The following WBP2NL variants were observed in gnomAD, a reference collection of about 807,000 sequenced individuals.
WBP2NL encodes postacrosomal sheath WW domain-binding protein.
WBP2NL carries 27 observed loss-of-function variants against 23.3 expected under a neutral mutation model. The observed-to-expected ratio is 1.16, with a 90% CI of 0.85 to 1.60. WBP2NL has a LOEUF of 1.60. WBP2NL is among the 40% of genes most tolerant of loss of function. The pLI, the probability that WBP2NL is intolerant of heterozygous loss-of-function variation, is 0.00. For missense variants in WBP2NL, 370 were observed against 389.5 expected, an observed-to-expected ratio of 0.95 and a Z score of 0.42; for synonymous variants, 151 against 145.9, an observed-to-expected ratio of 1.03 and a Z score of -0.25.
chr22:42,038,302 ACCTTGTATCCTATGGAT>A, intron 8 of WBP2NL, among the ~76,000 whole-genome samples: 1 of 152,186 alleles, frequency 6.6e-6, no homozygotes, highest in Admixed American at 6.5e-5. Context: ...ATGTTAACTG[ACCTTGTATCCTATGGAT>A]AAATCCCACT....
chr22:42,026,843 G>A lies in WBP2NL; in HGVS notation c.592G>A (p.Ala198Thr). 1 of 1,612,558 alleles carries A rather than the reference G, an allele frequency of 6.2e-7. No individual in the cohort carries two copies. Among genetic ancestry groups the A allele is most frequent in the Non-Finnish European group, 8.5e-7 (1 of 1,179,596 alleles). ...CGGAGCCCCACCTGCAGGATATGGA[G>A]CCCAACCCGTAGGAAATGAAGGCCC... Reference protein sequence around the residue: ...GYGAPPAGYGAQPVGNEGPPV... With the variant: ...GYGAPPAGYGTQPVGNEGPPV... The change falls in exon 6 of 6, where the codon GCC becomes ACC. Residue 198 changes from alanine (A) to threonine (T), a missense_variant. Physicochemically the swap from Ala to Thr is moderately conservative, Grantham distance 58 (BLOSUM62 0). Transcript: ENST00000328823.
chr22:42,005,149 G>A (rs145710523), intron 1 of WBP2NL, among the ~76,000 whole-genome samples: 457 of 151,152 alleles, frequency 3.0e-3, no homozygotes, highest in African/African-American at 0.01. Context: ...CCCAGGAGGC[G>A]GAGGTTGCAA....
rs1296162229 is a variant in WBP2NL, at chr22:42,022,309, T to TA, written c.469dup (p.Ile157AsnfsTer48). On this transcript the variant is annotated frameshift_variant, in exon 5 of 6. Transcript: ENST00000328823. LOFTEE classifies it low-confidence loss of function (END_TRUNC). ...TGGTTCAGCTCTATGGGAATTTATG[T>TA]AATTACTGGGGAAGGGAATATGTGC... is the stretch of plus-strand genomic sequence containing the variant. 4 of 1,614,130 alleles carry TA rather than the reference T, an allele frequency of 2.5e-6. No individual in the cohort carries two copies. Among genetic ancestry groups the TA allele is most frequent in the Non-Finnish European group, 2.5e-6 (3 of 1,179,988 alleles).
At chr22:42,025,684 C>T (rs1314894898) in intron 5 of WBP2NL, among the ~76,000 whole-genome samples, 1 of 152,184 alleles carries the variant, frequency 6.6e-6, no homozygotes, top group Non-Finnish European at 1.5e-5. Context: ...CTAAGTCTGT[C>T]CTTGTGCCAG....
chr22:42,022,274 C>T lies in WBP2NL; in HGVS notation c.432C>T (p.Thr144=). Residue 144 remains threonine, a synonymous_variant, in exon 5 of 6, where the codon ACC becomes ACT. Coordinates refer to ENST00000328823, the MANE Select transcript of WBP2NL (RefSeq NM_152613.3). ...SAAARGFPLR[T]LNDWFSSMGI... ...CTGCCCGAGGATTTCCACTTAGAAC[C>T]TTAAATGACTGGTTCAGCTCTATGG... is the stretch of plus-strand genomic sequence containing the variant. The T allele has an allele frequency of 1.9e-6, 3 of 1,614,132 alleles. No homozygotes were observed. The highest frequency in any genetic ancestry group is 4.5e-5 in the East Asian group (2 of 44,880).
intron 1 of WBP2NL, 29 bp downstream of exon 1, chr22:41,998,909 CGGA>C: frequency 6.3e-7 from 1 of 1,599,244 alleles, no homozygotes; most frequent in Non-Finnish European, 8.5e-7. Flanking sequence ...GGCGTGCTGT[CGGA>C]GGAGAGGAGA....
At chr22:42,022,411 C>CA in intron 5 of WBP2NL, 55 bp downstream of exon 5, 2 of 1,473,340 alleles carry the variant, frequency 1.4e-6, no homozygotes, top group Non-Finnish European at 9.3e-7. Flanking sequence ...GCCAGAGGCT[C>CA]AAAGATCTAT....
chr22:42,057,133 A>G lies in WBP2NL; in HGVS notation c.*274-1157A>G, dbSNP rs1926067656. Among the ~76,000 whole-genome samples the G allele has an allele frequency of 2.6e-5, 4 of 152,254 alleles. 1 individual carries two copies. In the South Asian group the frequency reaches 8.3e-4, roughly 32 times the overall value. On this transcript the variant is annotated intron_variant and NMD_transcript_variant, in intron 8 of 8. Transcript: ENST00000436265. Reference sequence around the variant, plus strand: ...ATTTTCAACCATTCTTTCTTCCAATATTCTGCCCCTTTCTCTTTTTTTATG... The same window carrying G: ...ATTTTCAACCATTCTTTCTTCCAATGTTCTGCCCCTTTCTCTTTTTTTATG...
rs1213146371 is a variant in WBP2NL at position 42,027,114 on chromosome 22, C to T, written c.863C>T (p.Thr288Ile). 1.9e-6 allele frequency: 3 copies of T among 1,614,270 alleles called. No individual in the cohort carries two copies. Among genetic ancestry groups the T allele is most frequent in the Non-Finnish European group, 2.5e-6 (3 of 1,180,050 alleles). The change falls in exon 6 of 6, where the codon ACA becomes ATA. Residue 288 changes from threonine to isoleucine, a missense_variant. Physicochemically the swap from Thr to Ile is moderately conservative, Grantham distance 89. Transcript: ENST00000328823. The stretch of plus-strand genomic sequence containing the variant: ...TCAGGAGCCAGGCCTCAGGAATCTA[C>T]AGCAGCCCAGGCTCCTGAAAACGAG... ...AGSGARPQESTAAQAPENEAS... is the reference protein window; with the variant it reads ...AGSGARPQESIAAQAPENEAS...
At chr22:42,018,337 A>T (rs1258102439) in intron 1 of WBP2NL, among the ~76,000 whole-genome samples, 1 of 145,462 alleles carries the variant, frequency 6.9e-6, no homozygotes, top group Non-Finnish European at 1.5e-5. Context: ...AAAAGACAGA[A>T]GAAAGAGAGA....
chr22:42,026,166 G>A (rs142106636), intron 5 of WBP2NL, among the ~76,000 whole-genome samples: 3,029 of 151,778 alleles, frequency 0.02, 117 homozygotes, highest in African/African-American at 0.069. Flanking sequence ...CAGCTACTCG[G>A]GAGGCTGAGG....
chr22:41,998,811 G>T lies in WBP2NL; in HGVS notation c.-8G>T. ...CCATCTACGGGGCGGCAGGAGGCCC[G>T]AAGCAAGATGGCGGTGAATCAGAGC... On this transcript the variant is annotated 5_prime_UTR_variant, in exon 1 of 6. Coordinates refer to ENST00000328823, the MANE Select transcript of WBP2NL (RefSeq NM_152613.3). 1.9e-6 allele frequency: 3 copies of T among 1,608,434 alleles called. No homozygotes were observed. Among genetic ancestry groups the T allele is most frequent in the Non-Finnish European group, 2.5e-6 (3 of 1,176,668 alleles).
chr22:42,035,459 C>A (rs1031523292), downstream of WBP2NL, among the ~76,000 whole-genome samples: 2 of 152,258 alleles, frequency 1.3e-5, no homozygotes, highest in African/African-American at 4.8e-5. Context: ...CTCACCCCAA[C>A]TTGGAAGGGG....
intron 4 of WBP2NL, 68 bp from the exon 5 acceptor site, chr22:42,022,181 T>C (rs133341): frequency 0.77 from 937,804 of 1,210,920 alleles, 364,700 homozygotes; most frequent in East Asian, 0.9. Context: ...GTTAATTGTT[T>C]AGTTGATATC....
downstream of WBP2NL, among the ~76,000 whole-genome samples, chr22:42,029,295 A>G (rs1165229557): frequency 4.5e-4 from 30 of 66,234 alleles, no homozygotes; most frequent in African/African-American, 9.6e-4. Flanking sequence ...TGTGTCTAGG[A>G]AAAAAAAAAA....
At chr22:42,049,695 CAAAACAAAACA>C (rs1310856180) in intron 8 of WBP2NL, among the ~76,000 whole-genome samples, 11 of 22,854 alleles carry the variant, frequency 4.8e-4, no homozygotes, top group African/African-American at 2.4e-3. Flanking sequence ...GTCTCCAAAA[CAAAACAAAACA>C]AAAAAAAAAA....
downstream of WBP2NL, among the ~76,000 whole-genome samples, chr22:42,033,736 GA>G (rs1393590383): frequency 6.6e-6 from 1 of 152,182 alleles, no homozygotes; most frequent in African/African-American, 2.4e-5. Context: ...TCTCAACAGA[GA>G]GGGGTCCTGG....
chr22:42,004,211 G>A (rs888104480), intron 1 of WBP2NL, among the ~76,000 whole-genome samples: 12 of 152,110 alleles, frequency 7.9e-5, no homozygotes, highest in African/African-American at 2.9e-4. Context: ...GGTGGAGGTT[G>A]CAGTGAGCTG....
At chr22:42,004,927 A>G (rs1922070010) in intron 1 of WBP2NL, among the ~76,000 whole-genome samples, 1 of 151,882 alleles carries the variant, frequency 6.6e-6, no homozygotes. Flanking sequence ...TCTGTCTCAA[A>G]AAATAAATAG....
Sources: gnomAD v4.1 joint callset for allele counts (sites outside exome capture counted in the v4.1 genomes callset) on GRCh38, gnomAD v4.1.1 for gene constraint, MANE v1.5 for transcripts, NCBI Gene and HGNC (gene_info 2026-07-23, HGNC 2026-07-21) for gene names.